GSK3B: variants seen among roughly 807,000 people sequenced by gnomAD.
GSK3B encodes the protein glycogen synthase kinase-3 beta.
GSK3B carries 15 observed loss-of-function variants against 56.4 expected under a neutral mutation model. The ratio of observed to expected loss-of-function variants is 0.27; its 90% confidence interval spans 0.18 to 0.41. The LOEUF (loss-of-function observed/expected upper bound fraction) is 0.41, where lower values mean the gene tolerates loss of function less well. Ranked by LOEUF, GSK3B falls within the 10% of genes least tolerant of loss-of-function variation. The pLI is 1.00. For synonymous variants in GSK3B, 181 were observed against 188.9 expected (o/e 0.96, Z 0.34); for missense variants, 300 against 513.4 (o/e 0.58, Z 4.02).
intron 10 of GSK3B, among the ~76,000 whole-genome samples, chr3:119,841,245 C>G (rs1337670295): frequency 1.3e-5 from 2 of 152,256 alleles, no homozygotes; most frequent in East Asian, 3.9e-4. Flanking sequence ...TAACCTGTAT[C>G]AAAACAACAT....
At chr3:120,045,741 G>A (rs1019650665) in intron 1 of GSK3B, among the ~76,000 whole-genome samples, 8 of 152,134 alleles carry the variant, frequency 5.3e-5, no homozygotes, top group African/African-American at 1.9e-4. Context: ...GCAGCACCAA[G>A]CATTTACTTC....
chr3:119,914,884 C>T (rs982450637), intron 5 of GSK3B, among the ~76,000 whole-genome samples: 1 of 151,952 alleles, frequency 6.6e-6, no homozygotes, highest in Non-Finnish European at 1.5e-5. Context: ...CAGGTATTAA[C>T]AAGTGTGGGG....
rs2107987273 is a variant in GSK3B at position 119,823,176 on chromosome 3, A to G, written c.*3612T>C. ...TTTTTTCTTCTATTCAAGACATTTT[A>G]TATGGACTACTTTGAGGCAAAACAT... On this transcript the variant is annotated 3_prime_UTR_variant, in exon 11 of 11. Transcript: ENST00000264235. The G allele has an allele frequency of 4.4e-6, 1 of 229,390 alleles. No individual in the cohort carries two copies. Among genetic ancestry groups the G allele is most frequent in the South Asian group, 1.8e-4 (1 of 5,498 alleles). 14.2% of individuals were successfully genotyped at this position (229,390 alleles called of 1,614,324 possible). A position where few individuals can be genotyped will look rare whatever the true frequency, so the allele number is the denominator to read the frequency against.
Position 119,948,762 on chromosome 3 carries a change from G to T in GSK3B, c.283-1411C>A, listed in dbSNP as rs1357722274. On this transcript the variant is annotated intron_variant, in intron 2 of 10. Coordinates refer to ENST00000264235, the MANE Select transcript of GSK3B (RefSeq NM_001146156.2). ...TACCCAGGCTGGAGTGCAATGGCGT[G>T]ATCTCGGCTCATTGCAACCTTTGCC... is the stretch of plus-strand genomic sequence containing the variant. Among the ~76,000 whole-genome samples, 4 of 152,284 alleles carry T rather than the reference G, an allele frequency of 2.6e-5. No individual in the cohort carries two copies. The South Asian group carries it at 8.3e-4, about 32-fold the overall frequency.
At chr3:119,960,653 C>T (rs2057262975) in intron 2 of GSK3B, among the ~76,000 whole-genome samples, 1 of 152,180 alleles carries the variant, frequency 6.6e-6, no homozygotes, top group Admixed American at 6.5e-5. Flanking sequence ...CCCTCACATA[C>T]TTCAGGTATT....
intron 1 of GSK3B, among the ~76,000 whole-genome samples, chr3:120,012,906 C>T (rs1047403778): frequency 6.6e-6 from 1 of 152,064 alleles, no homozygotes; most frequent in African/African-American, 2.4e-5. Context: ...TGGTCTCTAA[C>T]TCCTGGCCTT....
chr3:119,884,625 T>G (rs2056414409), intron 7 of GSK3B, among the ~76,000 whole-genome samples: 1 of 152,116 alleles, frequency 6.6e-6, no homozygotes, highest in African/African-American at 2.4e-5. Context: ...TATCCAATGT[T>G]AAGGGCAGAA....
intron 1 of GSK3B, among the ~76,000 whole-genome samples, chr3:120,063,410 CA>C (rs1242517894): frequency 6.6e-6 from 1 of 152,038 alleles, no homozygotes; most frequent in Non-Finnish European, 1.5e-5. Context: ...TAATGTCCAT[CA>C]ATATGGAACT....
chr3:120,049,759 A>C (rs1201136238), intron 1 of GSK3B, among the ~76,000 whole-genome samples: 8 of 152,226 alleles, frequency 5.3e-5, no homozygotes, highest in Admixed American at 5.2e-4. Context: ...AATAAGTAAC[A>C]GCCCAAGGGT....
chr3:119,952,834 G>C (rs1285114495), intron 2 of GSK3B, among the ~76,000 whole-genome samples: 2 of 151,954 alleles, frequency 1.3e-5, no homozygotes, highest in African/African-American at 2.4e-5. Context: ...TGGAGAATAA[G>C]TTGAAATACT....
chr3:119,978,238 C>T (rs929590466), intron 2 of GSK3B, among the ~76,000 whole-genome samples: 2 of 152,108 alleles, frequency 1.3e-5, no homozygotes, highest in African/African-American at 4.8e-5. Flanking sequence ...CAAAATAAAC[C>T]CCTCTCTGGG....
At chr3:119,849,766 A>G (rs941033689) in intron 9 of GSK3B, among the ~76,000 whole-genome samples, 2 of 152,148 alleles carry the variant, frequency 1.3e-5, no homozygotes, top group African/African-American at 2.4e-5. Flanking sequence ...ATAAAATGGC[A>G]TAGTATTTAC....
intron 7 of GSK3B, among the ~76,000 whole-genome samples, chr3:119,882,215 A>T (rs913042049): frequency 3.3e-5 from 5 of 152,066 alleles, no homozygotes; most frequent in Non-Finnish European, 7.4e-5. Flanking sequence ...TGTGAAATAC[A>T]CAATAAAACA....
At position 119,970,178 on chromosome 3, in the gene GSK3B, G is replaced by A. The variant is rs1001949522; in HGVS notation, c.283-22827C>T. ...TGTATACAAAAATGCAGTATATACA[G>A]GTTTTAGTGCCATCTGCAGTTTCTG... On this transcript the variant is annotated intron_variant, in intron 2 of 10. Coordinates refer to ENST00000264235, the MANE Select transcript of GSK3B (RefSeq NM_001146156.2). 2.0e-5 allele frequency among the ~76,000 whole-genome samples: 3 copies of A among 152,164 alleles called. No individual in the cohort carries two copies. In the East Asian group the frequency reaches 5.8e-4, roughly 29 times the overall value.
intron 9 of GSK3B, among the ~76,000 whole-genome samples, chr3:119,862,960 G>C (rs971437711): frequency 3.9e-5 from 6 of 152,028 alleles, no homozygotes; most frequent in African/African-American, 1.4e-4. Context: ...TTCTTAGAAA[G>C]GGTTTATAGG....
At chr3:120,032,572 A>G (rs2057986879) in intron 1 of GSK3B, among the ~76,000 whole-genome samples, 2 of 152,158 alleles carry the variant, frequency 1.3e-5, no homozygotes, top group South Asian at 4.1e-4. Context: ...CCAGCTACTC[A>G]GAAGACTGAG....
chr3:119,917,659 C>CTT (rs552373286), intron 4 of GSK3B, among the ~76,000 whole-genome samples: 32 of 123,622 alleles, frequency 2.6e-4, no homozygotes, highest in South Asian at 1.6e-3. Flanking sequence ...AACGAGTTTT[C>CTT]TTTTTTTTTT....
intron 1 of GSK3B, 43 bp from the exon 2 acceptor site, chr3:120,002,282 G>A (rs201505065): frequency 2.7e-5 from 32 of 1,165,274 alleles, no homozygotes; most frequent in Non-Finnish European, 3.5e-5. Context: ...GAACTGTAAG[G>A]AATTAAATAG....
chr3:119,866,688 G>A (rs1045406602), intron 8 of GSK3B: 11 of 1,066,784 alleles, frequency 1.0e-5, no homozygotes, highest in African/African-American at 1.6e-5. Flanking sequence ...AAAGAGAATA[G>A]TCCAGCAAGG....
Sources: gnomAD v4.1 joint callset for allele counts (sites outside exome capture counted in the v4.1 genomes callset) on GRCh38, gnomAD v4.1.1 for gene constraint, MANE v1.5 for transcripts, NCBI Gene and HGNC (gene_info 2026-07-23, HGNC 2026-07-21) for gene names.